The following BBS2 variants were observed in gnomAD, a reference collection of about 807,000 sequenced individuals.
The protein encoded by BBS2 is Bardet-Biedl syndrome 2.
BBS2 carries 62 observed loss-of-function variants against 83.0 expected under a neutral mutation model. That is an observed-to-expected ratio of 0.75 (90% confidence interval 0.61 to 0.92). The LOEUF (loss-of-function observed/expected upper bound fraction) is 0.92, where lower values mean the gene tolerates loss of function less well. BBS2 is among the 40% of genes least tolerant of loss of function. BBS2 has a pLI of 0.00. For missense variants in BBS2, 784 were observed against 901.0 expected, an observed-to-expected ratio of 0.87 and a Z score of 1.66; for synonymous variants, 303 against 326.1, an observed-to-expected ratio of 0.93 and a Z score of 0.76.
In BBS2 at chr16:56,507,174, A is replaced by C. The variant is rs183658104; in HGVS notation, c.613-950T>G. Among the ~76,000 whole-genome samples the C allele has an allele frequency of 3.6e-3, 553 of 152,278 alleles. 3 individuals carry two copies. Among genetic ancestry groups the C allele is most frequent in the African/African-American group, 0.013 (528 of 41,540 alleles). ...GAATCATGATTTTGCTGATCTGGGA[A>C]ATGATATTTGAGCTAGGAGCAAAAC... On this transcript the variant is annotated intron_variant, in intron 5 of 16. Coordinates refer to ENST00000245157, the MANE Select transcript of BBS2 (RefSeq NM_031885.5).
chr16:56,498,276 A>G (rs1261514582), intron 13 of BBS2, among the ~76,000 whole-genome samples, 161 bp downstream of exon 13: 1 of 152,190 alleles, frequency 6.6e-6, no homozygotes, highest in African/African-American at 2.4e-5. Flanking sequence ...AAAATAAAAC[A>G]AAACGTGGTT....
At chr16:56,473,477 T>C (rs1224581534) in intron 17 of BBS2, among the ~76,000 whole-genome samples, 1 of 152,164 alleles carries the variant, frequency 6.6e-6, no homozygotes, top group Non-Finnish European at 1.5e-5. Context: ...GAAGTACAGG[T>C]GATACATCAA....
In BBS2 at chr16:56,506,166, C is replaced by T. The variant is rs1159500699; in HGVS notation, c.671G>A (p.Gly224Asp). 1 of 1,614,000 alleles carries T rather than the reference C, an allele frequency of 6.2e-7. No individual in the cohort carries two copies. ...TGTTTTGTCATAAACTCCAACTGTG[C>T]CATTGGAAAGGGCATAACCAAATCG... ...GSRFGYALSN[G>D]TVGVYDKTSR... The change falls in exon 6 of 17, where the codon GGC becomes GAC. Residue 224 changes from glycine to aspartate, a missense_variant. Physicochemically the swap from Gly to Asp is moderately conservative, Grantham distance 94. Coordinates refer to ENST00000245157, the MANE Select transcript of BBS2 (RefSeq NM_031885.5).
intron 7 of BBS2, 39 bp from the exon 8 acceptor site, chr16:56,502,847 C>G: frequency 6.2e-7 from 1 of 1,612,900 alleles, no homozygotes; most frequent in Non-Finnish European, 8.5e-7. Context: ...GCTTATGCTA[C>G]ATGTTTAAAA....
At chr16:56,485,993 T>TCAAG (rs1963766458) in intron 15 of BBS2, among the ~76,000 whole-genome samples, 1 of 152,238 alleles carries the variant, frequency 6.6e-6, no homozygotes, top group Admixed American at 6.5e-5. Flanking sequence ...TTAAGAATTC[T>TCAAG]CAAGCCCACT....
chr16:56,506,222 T>C lies in BBS2; in HGVS notation c.615A>G (p.Ile205Met). ...EIVAEMTETE[I>M]VTSLCPMYGS... is the part of the protein sequence containing the mutation. ...CATACATGGGACAAAGAGAGGTGAC[T>C]ATCTGCAAAACAATCCACAAAAACA... Residue 205 changes from isoleucine (I) to methionine (M), a missense_variant and splice_region_variant, in exon 6 of 17, where the codon ATA becomes ATG. By Grantham distance (10) the Ile-to-Met change is conservative. Coordinates refer to ENST00000245157, the MANE Select transcript of BBS2 (RefSeq NM_031885.5). 2 of 1,611,912 alleles carry C rather than the reference T, an allele frequency of 1.2e-6. No individual in the cohort carries two copies. Among genetic ancestry groups the C allele is most frequent in the Middle Eastern group, 1.7e-4 (1 of 6,056 alleles).
At chr16:56,487,609 A>C (rs2059288) in intron 15 of BBS2, among the ~76,000 whole-genome samples, 2 of 152,186 alleles carry the variant, frequency 1.3e-5, no homozygotes, top group Non-Finnish European at 2.9e-5. Context: ...AACATGGCTT[A>C]AGCAAATATA....
intron 8 of BBS2, 31 bp from the exon 9 acceptor site, chr16:56,502,487 C>G: frequency 6.2e-7 from 1 of 1,614,060 alleles, no homozygotes; most frequent in Non-Finnish European, 8.5e-7. Flanking sequence ...GCAAGTATAA[C>G]CAGGTATACT....
chr16:56,500,067 G>GTAA (rs1179953494), intron 11 of BBS2, 160 bp from the exon 12 acceptor site: 3 of 749,634 alleles, frequency 4.0e-6, no homozygotes, highest in Non-Finnish European at 6.7e-6. Context: ...AAGTACTACA[G>GTAA]TAATATATTA....
chr16:56,481,664 A>G (rs1963664315), downstream of BBS2, among the ~76,000 whole-genome samples: 1 of 152,214 alleles, frequency 6.6e-6, no homozygotes, highest in African/African-American at 2.4e-5. Context: ...CTCAGATTCT[A>G]TCAGGATAGA....
chr16:56,514,681 C>A lies in BBS2; in HGVS notation c.118-1G>T. 1 of 1,608,924 alleles carries A rather than the reference C, an allele frequency of 6.2e-7. No individual in the cohort carries two copies. Among genetic ancestry groups the A allele is most frequent in the Non-Finnish European group, 8.5e-7 (1 of 1,175,786 alleles). ...GTGTATGAGGATTATGAATAAAAAC[C>A]TGAAACAAAAATAACTAATTACATT... On this transcript the variant is annotated splice_acceptor_variant, in intron 1 of 16. Transcript: ENST00000245157. LOFTEE classifies it high-confidence loss of function.
intron 7 of BBS2, among the ~76,000 whole-genome samples, chr16:56,504,563 T>C (rs116847534): frequency 2.7e-3 from 415 of 152,362 alleles, no homozygotes; most frequent in South Asian, 5.0e-3. Flanking sequence ...TTTTTGTATA[T>C]TTCTGTTAGA....
intron 17 of BBS2, chr16:56,476,852 C>T (rs1351673788): frequency 2.6e-5 from 4 of 152,404 alleles, no homozygotes; most frequent in South Asian, 2.1e-4. Context: ...TGATTGCAGC[C>T]GGGCATGGTG....
At chr16:56,500,538 T>C (rs941518650) in intron 11 of BBS2, 37 of 323,924 alleles carry the variant, frequency 1.1e-4, no homozygotes, top group Admixed American at 3.2e-4. Context: ...GGCAGAAGAA[T>C]TGCTTGAACC....
chr16:56,519,998 C>G lies in BBS2; in HGVS notation c.-136G>C, dbSNP rs1302752486. The G allele has an allele frequency of 2.7e-6, 2 of 748,212 alleles. No homozygotes were observed. Among genetic ancestry groups the G allele is most frequent in the Middle Eastern group, 3.2e-4 (1 of 3,084 alleles). The allele number at this position is 748,212 out of a possible 1,614,324, so 46.3% of individuals were successfully genotyped here. A position where few individuals can be genotyped will look rare whatever the true frequency, so the allele number is the denominator to read the frequency against. ...GCCTCAGGCCGGACGCGAAACAGCC[C>G]GGGACGAACCCGTCCAGGTACCGCC... On this transcript the variant is annotated 5_prime_UTR_variant, in exon 1 of 17. Coordinates refer to ENST00000245157, the MANE Select transcript of BBS2 (RefSeq NM_031885.5).
chr16:56,490,479 G>C (rs1274590781), intron 15 of BBS2, among the ~76,000 whole-genome samples: 1 of 151,872 alleles, frequency 6.6e-6, no homozygotes, highest in Non-Finnish European at 1.5e-5. Flanking sequence ...CCAACATGGT[G>C]AAACCTCGTC....
chr16:56,517,472 C>T (rs1363778716), intron 1 of BBS2, among the ~76,000 whole-genome samples: 2 of 152,230 alleles, frequency 1.3e-5, no homozygotes, highest in Non-Finnish European at 1.5e-5. Context: ...AGCTTGTTTC[C>T]TCAGTTCCTT....
chr16:56,510,875 C>T lies in BBS2; in HGVS notation c.518G>A (p.Gly173Asp). 1 of 1,614,096 alleles carries T rather than the reference C, an allele frequency of 6.2e-7. No individual in the cohort carries two copies. The highest frequency in any genetic ancestry group is 8.5e-7 in the Non-Finnish European group (1 of 1,180,016). The change falls in exon 4 of 17, where the codon GGT becomes GAT. Residue 173 changes from glycine (G) to aspartate (D), a missense_variant. By Grantham distance (94) the Gly-to-Asp change is moderately conservative (BLOSUM62 -1). Coordinates refer to ENST00000245157, the MANE Select transcript of BBS2 (RefSeq NM_031885.5). ...VNSLALCDFD[G>D]DGKKELLVGS... ...CCCACATACCTCTTTCTTTCCATCACCATCAAAGTCACACAAGGCCAAGGA... is the reference window on the plus strand; with the variant it reads ...CCCACATACCTCTTTCTTTCCATCATCATCAAAGTCACACAAGGCCAAGGA...
intron 5 of BBS2, chr16:56,509,382 G>C (rs1434978628): frequency 6.3e-6 from 1 of 157,686 alleles, no homozygotes; most frequent in Non-Finnish European, 1.4e-5. Flanking sequence ...CGTGCCTGTA[G>C]TCCCAGCTAC....
Sources: gnomAD v4.1 joint callset for allele counts (sites outside exome capture counted in the v4.1 genomes callset) on GRCh38, gnomAD v4.1.1 for gene constraint, MANE v1.5 for transcripts, NCBI Gene and HGNC (gene_info 2026-07-23, HGNC 2026-07-21) for gene names.